YARS1: variants seen among roughly 807,000 people sequenced by gnomAD.
The protein encoded by YARS1 is tyrosine--tRNA ligase, cytoplasmic.
A neutral mutation model predicts 62.2 loss-of-function variants in YARS1; 36 were observed. The ratio of observed to expected loss-of-function variants is 0.58; its 90% CI spans 0.44 to 0.76. YARS1 has a LOEUF of 0.76. YARS1 is among the 30% of genes least tolerant of loss of function. The pLI is 0.00. For synonymous variants in YARS1, 234 were observed against 244.9 expected (o/e 0.96, Z 0.42); for missense variants, 524 against 639.8 (o/e 0.82, Z 1.95).
rs1401515994 is a variant in YARS1, at chr1:32,787,099, G to A, written c.685-24C>T. 4 of 1,613,760 alleles carry A rather than the reference G, an allele frequency of 2.5e-6. No individual in the cohort carries two copies. The African/African-American group carries it at 5.3e-5, about 22-fold the overall frequency. On this transcript the variant is annotated intron_variant, in intron 6 of 12. Transcript: ENST00000373477. ...TCCTAGAAGTCATAGAACGGAAGAG[G>A]ACCTCTTGTGGTTGAAAATGAGAAT...
chr1:32,782,593 A>T, intron 8 of YARS1, 54 bp from the exon 9 acceptor site: 1 of 1,611,274 alleles, frequency 6.2e-7, no homozygotes, highest in Non-Finnish European at 8.5e-7. Context: ...GGCACAGGAC[A>T]CCTGAATCCA....
At chr1:32,789,247 T>C (rs754320166) in intron 6 of YARS1, among the ~76,000 whole-genome samples, 11 of 152,220 alleles carry the variant, frequency 7.2e-5, no homozygotes, top group Non-Finnish European at 1.5e-4. Context: ...ACATTGGACA[T>C]CTTTGCAGTC....
chr1:32,783,732 C>T (rs1031452291), intron 8 of YARS1: 1 of 152,180 alleles, frequency 6.6e-6, no homozygotes, highest in African/African-American at 2.4e-5. Flanking sequence ...GATACTACTT[C>T]TTCATTTCCT....
At chr1:32,786,871 A>G in intron 7 of YARS1, 69 bp downstream of exon 7, 1 of 1,602,888 alleles carries the variant, frequency 6.2e-7, no homozygotes, top group Non-Finnish European at 8.5e-7. Flanking sequence ...GTGACAAATC[A>G]CAAGTATGAT....
chr1:32,775,960 G>A lies in YARS1; in HGVS notation c.*21C>T, dbSNP rs149812692. ...AGCAGATGACTCAGTGGTGGAAGAAGGGGGGAAGATGCTGGGCTGGCTAGC... is the reference window on the plus strand; with the variant it reads ...AGCAGATGACTCAGTGGTGGAAGAAAGGGGGAAGATGCTGGGCTGGCTAGC... On this transcript the variant is annotated 3_prime_UTR_variant, in exon 13 of 13. Coordinates refer to ENST00000373477, the MANE Select transcript of YARS1 (RefSeq NM_003680.4). 3 of 1,587,246 alleles carry A rather than the reference G, an allele frequency of 1.9e-6. No individual in the cohort carries two copies. The highest frequency in any genetic ancestry group is 2.6e-6 in the Non-Finnish European group (3 of 1,155,780).
rs1553124472 is a variant in YARS1 at position 32,797,831 on chromosome 1, C to A, written c.523G>T (p.Glu175Ter). The change falls in exon 5 of 13, where the codon GAG becomes TAG. Residue 175 changes from glutamate (E) to a stop codon, truncating the protein, a stop_gained. Transcript: ENST00000373477. LOFTEE classifies it high-confidence loss of function. ...AATTGGGCATCTACTTTTAAATACT[C>A]TTCATCCAAAGCCTGTGGAAAGAAA... ...LYPGLQALDE[E>*]YLKVDAQFGG... The A allele has an allele frequency of 1.2e-6, 2 of 1,614,018 alleles. No homozygotes were observed. Among genetic ancestry groups the A allele is most frequent in the Middle Eastern group, 1.7e-4 (1 of 6,058 alleles).
In YARS1 at chr1:32,810,609, G is replaced by C. The variant is rs748842928; in HGVS notation, c.362C>G (p.Thr121Ser). Residue 121 changes from threonine to serine, a missense_variant, in exon 3 of 13, where the codon ACT becomes AGT. Thr to Ser is a moderately conservative substitution (Grantham distance 58). Transcript: ENST00000373477. ...PLEKLKFIKG[T>S]DYQLSKEYTL... ...CACTTACTTGCTGAGCTGGTAATCA[G>C]TGCCTTTGATGAACTTGAGCTTCTC... The C allele has an allele frequency of 2.0e-5, 33 of 1,612,968 alleles. No individual in the cohort carries two copies. The highest frequency in any genetic ancestry group is 2.7e-5 in the Non-Finnish European group (32 of 1,180,034).
intron 6 of YARS1, among the ~76,000 whole-genome samples, chr1:32,790,485 GC>G (rs1200033361): frequency 8.6e-6 from 1 of 116,840 alleles, no homozygotes; most frequent in Non-Finnish European, 1.6e-5. Flanking sequence ...CTGCACTGCA[GC>G]CTGGGTGACA....
chr1:32,814,345 T>C (rs1196178745), intron 1 of YARS1, among the ~76,000 whole-genome samples: 1 of 152,088 alleles, frequency 6.6e-6, no homozygotes, highest in Non-Finnish European at 1.5e-5. Context: ...ACCGTAACAT[T>C]CTCCTAACAG....
rs372773941 is a variant in YARS1 at position 32,810,895 on chromosome 1, T to G, written c.204+16A>C. 2 of 1,614,020 alleles carry G rather than the reference T, an allele frequency of 1.2e-6. No individual in the cohort carries two copies. The highest frequency in any genetic ancestry group is 2.7e-5 in the African/African-American group (2 of 74,904). On this transcript the variant is annotated intron_variant, in intron 2 of 12. Coordinates refer to ENST00000373477, the MANE Select transcript of YARS1 (RefSeq NM_003680.4). ...CCTTGGGTCATTCCCCAAGGGCTTA[T>G]AGCATTAGTTCTTACCTCACACCCT...
Position 32,810,690 on chromosome 1 carries a change from A to G in YARS1, c.281T>C (p.Val94Ala). ...KAPWELLELR[V>A]SYYENVIKAM... ...TTTGATCACATTCTCATAGTAACTG[A>G]CTCGGAGTTCTAGAAGTTCCCATGG... is the stretch of plus-strand genomic sequence containing the variant. Residue 94 changes from valine (V) to alanine (A), a missense_variant, in exon 3 of 13, where the codon GTC (valine) becomes GCC (alanine). By Grantham distance (64) the Val-to-Ala change is moderately conservative (BLOSUM62 0). Coordinates refer to ENST00000373477, the MANE Select transcript of YARS1 (RefSeq NM_003680.4). The G allele has an allele frequency of 6.2e-7, 1 of 1,614,130 alleles. No homozygotes were observed. The highest frequency in any genetic ancestry group is 1.7e-4 in the Middle Eastern group (1 of 6,050).
At position 32,801,411 on chromosome 1, in the gene YARS1, C is replaced by T. The variant is rs181558748; in HGVS notation, c.511-3568G>A. ...AATAGCGTTACATCTACAAAAACAA[C>T]GTACATACTTTAATTTGGTTAAGGT... On this transcript the variant is annotated intron_variant, in intron 4 of 12. Transcript: ENST00000373477. 1.1e-3 allele frequency among the ~76,000 whole-genome samples: 160 copies of T among 152,226 alleles called. 1 individual carries two copies. Among genetic ancestry groups the T allele is most frequent in the African/African-American group, 3.6e-3 (151 of 41,540 alleles).
chr1:32,795,002 CAAAAAAAAAA>C (rs71278770), intron 5 of YARS1, among the ~76,000 whole-genome samples: 1 of 22,888 alleles, frequency 4.4e-5, no homozygotes, highest in South Asian at 2.0e-3. Flanking sequence ...GACTCTGTCT[CAAAAAAAAAA>C]AAAAAAAAAA....
chr1:32,790,372 G>T (rs1039238827), intron 6 of YARS1, among the ~76,000 whole-genome samples: 3 of 150,126 alleles, frequency 2.0e-5, no homozygotes, highest in African/African-American at 7.3e-5. Flanking sequence ...AATTAGCCAG[G>T]CATGGTGGCG....
intron 5 of YARS1, among the ~76,000 whole-genome samples, chr1:32,794,213 G>T (rs1372166790): frequency 6.6e-6 from 1 of 152,066 alleles, no homozygotes; most frequent in Non-Finnish European, 1.5e-5. Context: ...AGCCGGGCGT[G>T]GTGGCGGGCA....
intron 9 of YARS1, chr1:32,781,376 G>A: frequency 1.8e-6 from 1 of 554,138 alleles, no homozygotes; most frequent in Non-Finnish European, 3.3e-6. Context: ...GGGAGCAGTA[G>A]TAGCTTTGCC....
At chr1:32,800,820 G>A (rs767270162) in intron 4 of YARS1, among the ~76,000 whole-genome samples, 3 of 152,026 alleles carry the variant, frequency 2.0e-5, no homozygotes, top group Admixed American at 6.6e-5. Context: ...TGATCTGCCC[G>A]TTTTGGCCTC....
chr1:32,780,781 T>A (rs1653026498), intron 10 of YARS1: 2 of 516,528 alleles, frequency 3.9e-6, no homozygotes, highest in Non-Finnish European at 7.0e-6. Flanking sequence ...ATCAGGTGAG[T>A]CTATCAGACC....
intron 8 of YARS1, among the ~76,000 whole-genome samples, chr1:32,785,775 G>C (rs1282469214): frequency 2.0e-5 from 3 of 151,670 alleles, no homozygotes; most frequent in Non-Finnish European, 4.4e-5. Flanking sequence ...ATAGAGATGG[G>C]GTTTCTCCGT....
Sources: allele counts gnomAD v4.1 joint callset (sites outside exome capture counted in the v4.1 genomes callset), GRCh38; gene constraint gnomAD v4.1.1; transcripts MANE v1.5; gene names NCBI Gene and HGNC (gene_info 2026-07-23, HGNC 2026-07-21).